Variants in PCLO observed in about 807,000 individuals in gnomAD.
PCLO encodes piccolo presynaptic cytomatrix protein.
A neutral mutation model predicts 427.5 loss-of-function variants in PCLO; 82 were observed. The ratio of observed to expected loss-of-function variants is 0.19; its 90% CI spans 0.16 to 0.23. The LOEUF is 0.23. Among genes scored for constraint, PCLO ranks in the 10% least tolerant of loss-of-function variants. PCLO has a pLI of 1.00. For missense variants in PCLO, 6,239 were observed against 6,115.9 expected (o/e 1.02, Z -0.67); for synonymous variants, 2,357 against 2,155.4 (o/e 1.09, Z -2.59).
chr7:82,977,181 C>T (rs912628242), intron 3 of PCLO, among the ~76,000 whole-genome samples: 3 of 151,966 alleles, frequency 2.0e-5, no homozygotes, highest in Non-Finnish European at 2.9e-5. Context: ...CAATAACATC[C>T]TATTATATAT....
In PCLO at chr7:83,044,330, A is replaced by G. The variant is rs1014917134; in HGVS notation, c.3301-77843T>C. Among the ~76,000 whole-genome samples, 6 of 152,208 alleles carry G rather than the reference A, an allele frequency of 3.9e-5. No individual in the cohort carries two copies. The South Asian group carries it at 1.2e-3, about 31-fold the overall frequency. On this transcript the variant is annotated intron_variant, in intron 3 of 24. Transcript: ENST00000333891. ...GACACAGAGCCAAACCATATCATCC[A>G]TAAAGTGTGCAAGTATAATAATTTG...
intron 3 of PCLO, among the ~76,000 whole-genome samples, chr7:83,048,678 G>A (rs1435723821): frequency 6.6e-6 from 1 of 152,142 alleles, no homozygotes; most frequent in Non-Finnish European, 1.5e-5. Flanking sequence ...CAGAATGTAT[G>A]TAAAGGTATG....
intron 20 of PCLO, chr7:82,821,646 A>G: frequency 2.1e-6 from 2 of 967,082 alleles, no homozygotes; most frequent in Non-Finnish European, 2.5e-6. Context: ...ACAGCAGTTA[A>G]GATAGGTCAA....
At chr7:83,089,924 T>C (rs191388240) in intron 3 of PCLO, among the ~76,000 whole-genome samples, 1 of 152,184 alleles carries the variant, frequency 6.6e-6, no homozygotes, top group African/African-American at 2.4e-5. Flanking sequence ...ATCCAGTAGT[T>C]TCCGTTTATA....
chr7:82,840,997 T>G (rs879816725), intron 14 of PCLO, among the ~76,000 whole-genome samples: 1 of 151,698 alleles, frequency 6.6e-6, no homozygotes, highest in Non-Finnish European at 1.5e-5. Context: ...ATTTTCCTGA[T>G]GAAAATTAAT....
At position 82,879,369 on chromosome 7, in the gene PCLO, C is replaced by G; in HGVS notation, c.13622G>C (p.Gly4541Ala). The change falls in exon 10 of 25, where the codon GGA becomes GCA. Residue 4541 changes from glycine to alanine, a missense_variant. By Grantham distance (60) the Gly-to-Ala change is moderately conservative. Transcript: ENST00000333891. The part of the protein sequence containing the change: ...GAYIAKILPG[G>A]SAEQTGKLME... ...AAGCTTCCCCGTCTGTTCCGCACTTCCCCCAGGAAGAATCTTGGCAATATA... is the reference window on the plus strand; with the variant it reads ...AAGCTTCCCCGTCTGTTCCGCACTTGCCCCAGGAAGAATCTTGGCAATATA... 1.2e-6 allele frequency: 2 copies of G among 1,612,466 alleles called. No individual in the cohort carries two copies. Among genetic ancestry groups the G allele is most frequent in the Non-Finnish European group, 1.7e-6 (2 of 1,178,956 alleles).
At chr7:83,035,315 C>A (rs1788767147) in intron 3 of PCLO, among the ~76,000 whole-genome samples, 2 of 152,158 alleles carry the variant, frequency 1.3e-5, no homozygotes, top group Non-Finnish European at 2.9e-5. Flanking sequence ...AAGGTTGTAT[C>A]TTTTATTAAC....
At chr7:83,052,584 T>C (rs904262299) in intron 3 of PCLO, among the ~76,000 whole-genome samples, 1 of 152,018 alleles carries the variant, frequency 6.6e-6, no homozygotes, top group Non-Finnish European at 1.5e-5. Context: ...TCCAAACTCA[T>C]ATTTGTAAAC....
intron 2 of PCLO, among the ~76,000 whole-genome samples, chr7:83,136,919 CTAAAA>C (rs1791745633): frequency 6.6e-6 from 1 of 151,930 alleles, no homozygotes; most frequent in Non-Finnish European, 1.5e-5. Context: ...TTTTATTATT[CTAAAA>C]TAATGTTTCC....
intron 24 of PCLO, among the ~76,000 whole-genome samples, chr7:82,759,446 G>T (rs1215885018): frequency 6.6e-6 from 1 of 151,602 alleles, no homozygotes; most frequent in Non-Finnish European, 1.5e-5. Context: ...CTGGTTTCTG[G>T]TTCAGGGATT....
At chr7:82,852,661 A>T (rs1792694922) in intron 10 of PCLO, among the ~76,000 whole-genome samples, 1 of 152,102 alleles carries the variant, frequency 6.6e-6, no homozygotes, top group Non-Finnish European at 1.5e-5. Flanking sequence ...ATGGCCTATC[A>T]TGCGACTTTA....
At chr7:83,150,392 G>A (rs532409051) in intron 2 of PCLO, among the ~76,000 whole-genome samples, 2 of 152,322 alleles carry the variant, frequency 1.3e-5, no homozygotes, top group Non-Finnish European at 2.9e-5. Flanking sequence ...TGCAGCCAGT[G>A]GATTCTTAAG....
chr7:82,857,570 T>C (rs1296245379), intron 10 of PCLO, among the ~76,000 whole-genome samples: 1 of 152,032 alleles, frequency 6.6e-6, no homozygotes. Context: ...GCCACCACCA[T>C]CTCCACTGTA....
intron 3 of PCLO, among the ~76,000 whole-genome samples, chr7:83,083,025 T>G (rs1790142277): frequency 6.6e-6 from 1 of 151,656 alleles, no homozygotes; most frequent in Admixed American, 6.6e-5. Flanking sequence ...GGACAAAAAC[T>G]TACTTAATAA....
At chr7:82,831,954 C>A (rs1045257227) in intron 16 of PCLO, among the ~76,000 whole-genome samples, 9 of 152,100 alleles carry the variant, frequency 5.9e-5, no homozygotes, top group African/African-American at 2.2e-4. Flanking sequence ...ATATCAAAAT[C>A]TGTGGAGTTG....
At chr7:82,880,525 T>G (rs1376366842) in intron 9 of PCLO, 1 of 228,850 alleles carries the variant, frequency 4.4e-6, no homozygotes, top group African/African-American at 2.3e-5. Flanking sequence ...ATTACAGGCT[T>G]GAACTCTTTT....
intron 6 of PCLO, among the ~76,000 whole-genome samples, chr7:82,924,055 G>A (rs1794657536): frequency 6.6e-6 from 1 of 152,014 alleles, no homozygotes; most frequent in African/African-American, 2.4e-5. Context: ...AATGTCCTCA[G>A]GCAGAAAATC....
At chr7:82,921,133 C>T (rs1794585806) in intron 6 of PCLO, among the ~76,000 whole-genome samples, 1 of 151,594 alleles carries the variant, frequency 6.6e-6, no homozygotes, top group Non-Finnish European at 1.5e-5. Flanking sequence ...TTTGAAGAAA[C>T]TACCTCACCA....
chr7:82,997,714 G>T (rs1787663464), intron 3 of PCLO, among the ~76,000 whole-genome samples: 1 of 151,988 alleles, frequency 6.6e-6, no homozygotes, highest in African/African-American at 2.4e-5. Context: ...CTGGAAGAAT[G>T]AGTTAAGAAC....
Sources: allele counts gnomAD v4.1 joint callset (sites outside exome capture counted in the v4.1 genomes callset), GRCh38; gene constraint gnomAD v4.1.1; transcripts MANE v1.5; gene names NCBI Gene and HGNC (gene_info 2026-07-23, HGNC 2026-07-21).